The following RIPK3 variants were observed in gnomAD, a reference collection of about 807,000 sequenced individuals.
The protein encoded by RIPK3 is receptor-interacting serine/threonine-protein kinase 3.
In RIPK3, 51 loss-of-function variants were observed where a neutral mutation model predicts 51.6. The ratio of observed to expected loss-of-function variants is 0.99; its 90% CI spans 0.79 to 1.25. The LOEUF is 1.25. Ranked by LOEUF, RIPK3 falls within the 50% of genes most tolerant of loss-of-function variation. The pLI, the probability that RIPK3 is intolerant of heterozygous loss-of-function variation, is 0.00. For synonymous variants in RIPK3, 246 were observed against 257.7 expected (o/e 0.95, Z 0.44); for missense variants, 654 against 650.4 (o/e 1.01, Z -0.06).
rs566328336 is a variant in RIPK3, at chr14:24,339,435, G to A, written c.161+22C>T. 1.2e-6 allele frequency: 2 copies of A among 1,614,096 alleles called. No homozygotes were observed. The highest frequency in any genetic ancestry group is 2.2e-5 in the South Asian group (2 of 91,076). On this transcript the variant is annotated intron_variant, in intron 2 of 9. Transcript: ENST00000216274. The surrounding 1 kb of genome is among the most constrained non-coding windows in gnomAD (Gnocchi z 4.0). ...CCACCTTTTTGGCCAGATTGCGGCT[G>A]GGGTCAACCGGGGTCACTCACGAGT...
chr14:24,338,885 G>A, intron 3 of RIPK3, 130 bp downstream of exon 3: 1 of 791,808 alleles, frequency 1.3e-6, no homozygotes, highest in Non-Finnish European at 2.0e-6. Flanking sequence ...TCCCCTGGCA[G>A]CCCTGTGTCC....
Position 24,338,414 on chromosome 14 carries a change from A to T in RIPK3, c.617+8T>A. The T allele has an allele frequency of 2.5e-6, 4 of 1,607,678 alleles. No individual in the cohort carries two copies. The South Asian group carries it at 3.3e-5, about 13-fold the overall frequency. ...ATCCTGGCTGTGTGTTTGGGCCGGG[A>T]TCCTTACCTGTAGACGTCACTGGCT... On this transcript the variant is annotated splice_region_variant and intron_variant, in intron 4 of 9. Coordinates refer to ENST00000216274, the MANE Select transcript of RIPK3 (RefSeq NM_006871.4).
At position 24,338,043 on chromosome 14, in the gene RIPK3, G is replaced by A; in HGVS notation, c.665-3C>T. 2 of 1,614,120 alleles carry A rather than the reference G, an allele frequency of 1.2e-6. No homozygotes were observed. The highest frequency in any genetic ancestry group is 1.7e-6 in the Non-Finnish European group (2 of 1,180,026). On this transcript the variant is annotated splice_region_variant and splice_polypyrimidine_tract_variant and intron_variant, in intron 5 of 9. Transcript: ENST00000216274. ...CACGAGTGATGGTTCGGTTGGCACT[G>A]GAGTAGGGGAGGAGGGTGAGAAGAG...
Position 24,336,865 on chromosome 14 carries a change from A to G in RIPK3, c.1336+20T>C. The G allele has an allele frequency of 6.2e-7, 1 of 1,600,540 alleles. No individual in the cohort carries two copies. The highest frequency in any genetic ancestry group is 8.6e-7 in the Non-Finnish European group (1 of 1,167,612). On this transcript the variant is annotated intron_variant, in intron 9 of 9. Transcript: ENST00000216274. Reference sequence around the variant, plus strand: ...GTGGAAGAATTGAACAGGGAAAAGAAAGAGGTAGAGAATGGGTACCTGTTA... The same window carrying G: ...GTGGAAGAATTGAACAGGGAAAAGAGAGAGGTAGAGAATGGGTACCTGTTA...
Position 24,336,921 on chromosome 14 carries a change from A to G in RIPK3, c.1300T>C (p.Trp434Arg), listed in dbSNP as rs1266213097. 3 of 1,614,198 alleles carry G rather than the reference A, an allele frequency of 1.9e-6. No homozygotes were observed. In the East Asian group the frequency reaches 6.7e-5, roughly 36 times the overall value. Residue 434 changes from tryptophan (W) to arginine (R), a missense_variant, in exon 9 of 10, where the codon TGG becomes CGG. Coordinates refer to ENST00000216274, the MANE Select transcript of RIPK3 (RefSeq NM_006871.4). The stretch of plus-strand genomic sequence containing the variant: ...TTTGGCTCCGGGGTCCTGCAGGACC[A>G]GTTCATGCCTTGTCTCTCAGCCCCC... ...NQGAERQGMN[W>R]SCRTPEPNPV...
rs1443701079 is a variant in RIPK3 at position 24,339,645 on chromosome 14, C to T, written c.21-48G>A. 6 of 1,609,656 alleles carry T rather than the reference C, an allele frequency of 3.7e-6. No homozygotes were observed. Among genetic ancestry groups the T allele is most frequent in the Admixed American group, 1.7e-5 (1 of 59,812 alleles). On this transcript the variant is annotated intron_variant, in intron 1 of 9. Coordinates refer to ENST00000216274, the MANE Select transcript of RIPK3 (RefSeq NM_006871.4). The surrounding 1 kb of genome is among the most constrained non-coding windows in gnomAD (Gnocchi z 4.0). ...TAGCCGGCCGTGCCGTGCCTCAGCGCTGCTCCCCGCGCCCCTGTGACTCGG... is the reference window on the plus strand; with the variant it reads ...TAGCCGGCCGTGCCGTGCCTCAGCGTTGCTCCCCGCGCCCCTGTGACTCGG...
At position 24,339,730 on chromosome 14, in the gene RIPK3, C is replaced by T. The variant is rs3212252; in HGVS notation, c.20+77G>A. The T allele has an allele frequency of 0.05, 78,473 of 1,569,296 alleles. 2,460 individuals carry two copies. Among genetic ancestry groups the T allele is most frequent in the African/African-American group, 0.12 (9,095 of 73,760 alleles). ...CCCCCACCGTCCCCGGACTCAAAGA[C>T]GTTCTCTGAGCGAGTCTGTGGGGCT... On this transcript the variant is annotated intron_variant, in intron 1 of 9. Coordinates refer to ENST00000216274, the MANE Select transcript of RIPK3 (RefSeq NM_006871.4). This position sits in a 1 kb window ranked among gnomAD's most constrained non-coding sequence, Gnocchi z 4.0.
chr14:24,337,307 G>C lies in RIPK3; in HGVS notation c.1054C>G (p.Leu352Val), dbSNP rs148851616. The C allele has an allele frequency of 6.2e-7, 1 of 1,614,080 alleles. No homozygotes were observed. The highest frequency in any genetic ancestry group is 8.5e-7 in the Non-Finnish European group (1 of 1,180,040). Residue 352 changes from leucine (L) to valine (V), a missense_variant, in exon 8 of 10, where the codon CTG becomes GTG. Physicochemically the swap from Leu to Val is conservative, Grantham distance 32 (BLOSUM62 1). Transcript: ENST00000216274. ...GAGCTGGGAGGCTCCTCTAGATTCA[G>C]TTTGTTTAGCCACTCAGAAACCATG... is the stretch of plus-strand genomic sequence containing the variant. ...DVMVSEWLNKLNLEEPPSSVP... is the reference protein window; with the variant it reads ...DVMVSEWLNKVNLEEPPSSVP...
rs1566447711 is a variant in RIPK3, at chr14:24,339,381, C to A, written c.162-57G>T. The A allele has an allele frequency of 5.0e-6, 8 of 1,609,414 alleles. No homozygotes were observed. Among genetic ancestry groups the A allele is most frequent in the East Asian group, 4.5e-5 (2 of 44,800 alleles). ...GGGGTCGTGGGAAAATCCCTCCCTTCGCCATTCAGGCCCCAGAGCACAGTG... is the reference window on the plus strand; with the variant it reads ...GGGGTCGTGGGAAAATCCCTCCCTTAGCCATTCAGGCCCCAGAGCACAGTG... On this transcript the variant is annotated intron_variant, in intron 2 of 9. Coordinates refer to ENST00000216274, the MANE Select transcript of RIPK3 (RefSeq NM_006871.4). This position sits in a 1 kb window ranked among gnomAD's most constrained non-coding sequence, Gnocchi z 4.0.
rs925494019 is a variant in RIPK3, at chr14:24,337,129, G to T, written c.1232C>A (p.Pro411His). 2.4e-5 allele frequency: 38 copies of T among 1,610,792 alleles called. No homozygotes were observed. Among genetic ancestry groups the T allele is most frequent in the Non-Finnish European group, 2.9e-5 (34 of 1,180,028 alleles). Residue 411 changes from proline (P) to histidine (H), a missense_variant, in exon 8 of 10, where the codon CCT (proline) becomes CAT (histidine). Physicochemically the swap from Pro to His is moderately conservative, Grantham distance 77. Transcript: ENST00000216274. ...AGGACTTGGTGTTCCAGTTGAGGTA[G>T]GGCTGGGCATCTGGTTTCTGAAAGT... Reference protein sequence around the residue: ...TSTFRNQMPSPTSTGTPSPGP... With the variant: ...TSTFRNQMPSHTSTGTPSPGP...
chr14:24,336,608 G>T (rs376959721), intron 9 of RIPK3: 1 of 732,444 alleles, frequency 1.4e-6, no homozygotes. Flanking sequence ...TTGCTGGGAG[G>T]TCCTCTGGAC....
intron 7 of RIPK3, 80 bp downstream of exon 7, chr14:24,337,615 T>C (rs768968523): frequency 6.5e-7 from 1 of 1,540,086 alleles, no homozygotes; most frequent in South Asian, 1.1e-5. Context: ...CAGTGGTCAG[T>C]GGTGAGTCAT....
chr14:24,337,489 A>C, intron 7 of RIPK3, 29 bp from the exon 8 acceptor site: 1 of 1,610,740 alleles, frequency 6.2e-7, no homozygotes, highest in Non-Finnish European at 8.5e-7. Context: ...TTTGCTGGGT[A>C]TGACTTGGAT....
chr14:24,338,540 G>A lies in RIPK3; in HGVS notation c.499C>T (p.Gln167Ter), dbSNP rs749748664. Residue 167 changes from glutamine to a stop codon, truncating the protein, a stop_gained, in exon 4 of 10, where the codon CAG (glutamine) becomes TAG (stop). Coordinates refer to ENST00000216274, the MANE Select transcript of RIPK3 (RefSeq NM_006871.4). LOFTEE classifies it high-confidence loss of function. ...CCTGTCCCTGACTGTGAGCCTCCCT[G>A]AAATGTGGACAGGCCAAAATCTGCC... ...KLADFGLSTF[Q>*]GGSQSGTGSG... 15 of 1,609,458 alleles carry A rather than the reference G, an allele frequency of 9.3e-6. No homozygotes were observed. In the East Asian group the frequency reaches 3.4e-4, roughly 36 times the overall value.
At position 24,339,044 on chromosome 14, in the gene RIPK3, C is replaced by T. The variant is rs1194239642; in HGVS notation, c.442G>A (p.Val148Ile). ...LLHRDLKPSN[V>I]LLDPELHVKL... Reference sequence around the variant, plus strand: ...ACGTGCAGCTCTGGGTCCAGCAGGACGTTGGATGGCTTGAGGTCCCGGTGC... The same window carrying T: ...ACGTGCAGCTCTGGGTCCAGCAGGATGTTGGATGGCTTGAGGTCCCGGTGC... The change falls in exon 3 of 10, where the codon GTC (valine) becomes ATC (isoleucine). Residue 148 changes from valine (V) to isoleucine (I), a missense_variant. Physicochemically the swap from Val to Ile is conservative, Grantham distance 29. Transcript: ENST00000216274. The surrounding 1 kb of genome is among the most constrained non-coding windows in gnomAD (Gnocchi z 4.0). 3.1e-6 allele frequency: 5 copies of T among 1,614,128 alleles called. No homozygotes were observed. The highest frequency in any genetic ancestry group is 1.7e-5 in the Admixed American group (1 of 60,024).
At position 24,338,012 on chromosome 14, in the gene RIPK3, T is replaced by C. The variant is rs761101910; in HGVS notation, c.693A>G (p.Glu231=). Residue 231 remains glutamate, a synonymous_variant, in exon 6 of 10, where the codon GAA becomes GAG. Transcript: ENST00000216274. ...ELPTEPSLVY[E]AVCNRQNRPS... Reference sequence around the variant, plus strand: ...GCCGGTTCTGCCTGTTGCACACTGCTTCGTACACGAGTGATGGTTCGGTTG... The same window carrying C: ...GCCGGTTCTGCCTGTTGCACACTGCCTCGTACACGAGTGATGGTTCGGTTG... 6.2e-7 allele frequency: 1 copy of C among 1,614,160 alleles called. No homozygotes were observed. The highest frequency in any genetic ancestry group is 8.5e-7 in the Non-Finnish European group (1 of 1,180,032).
At chr14:24,338,654 G>T in intron 3 of RIPK3, 87 bp from the exon 4 acceptor site, 1 of 1,507,080 alleles carries the variant, frequency 6.6e-7, no homozygotes, top group Non-Finnish European at 8.9e-7. Flanking sequence ...GAAGGTGCAG[G>T]TTCAGCTTTG....
intron 3 of RIPK3, 54 bp from the exon 4 acceptor site, chr14:24,338,621 C>A: frequency 6.4e-7 from 1 of 1,551,118 alleles, no homozygotes; most frequent in South Asian, 1.2e-5. Flanking sequence ...GCCAGAGAGC[C>A]TCCAGGAACC....
chr14:24,337,942 A>G lies in RIPK3; in HGVS notation c.763T>C (p.Leu255=). Residue 255 remains leucine, a synonymous_variant, in exon 6 of 10, where the codon TTA becomes CTA. Coordinates refer to ENST00000216274, the MANE Select transcript of RIPK3 (RefSeq NM_006871.4). ...TGCATTAGCTCCTTCAGTCCTTCTA[A>G]GCCGGGAGTCTCAGGCCCGGCTTGG... ...LPQAGPETPG[L]EGLKELMQLC... The G allele has an allele frequency of 6.2e-7, 1 of 1,614,182 alleles. No individual in the cohort carries two copies. The highest frequency in any genetic ancestry group is 1.1e-5 in the South Asian group (1 of 91,084).
Sources: allele counts gnomAD v4.1 joint callset, GRCh38; gene constraint gnomAD v4.1.1; non-coding constraint Gnocchi (gnomAD v3.1); transcripts MANE v1.5; gene names NCBI Gene and HGNC (gene_info 2026-07-23, HGNC 2026-07-21).